FHIT: variants seen among roughly 807,000 people sequenced by gnomAD.
FHIT encodes fragile histidine triad diadenosine triphosphatase, also known as bis(5'-adenosyl)-triphosphatase.
Under a neutral mutation model 17.9 loss-of-function variants are expected in FHIT, and 19 were observed. The observed-to-expected ratio is 1.06, with a 90% confidence interval of 0.74 to 1.56. FHIT has a LOEUF of 1.56. Ranked by LOEUF, FHIT falls within the 40% of genes most tolerant of loss-of-function variation. The probability of loss-of-function intolerance (pLI) is 0.00; values close to 1 mark genes in which losing one functional copy is unlikely to be tolerated. For missense variants in FHIT, 248 were observed against 189.2 expected (o/e 1.31, Z -1.82); for synonymous variants, 81 against 69.7 (o/e 1.16, Z -0.81).
intron 7 of FHIT, among the ~76,000 whole-genome samples, chr3:59,960,458 C>T (rs1255272084): frequency 6.6e-6 from 1 of 152,094 alleles, no homozygotes; most frequent in Non-Finnish European, 1.5e-5. Context: ...CACAAGGTGG[C>T]CTTGTTGACT....
intron 5 of FHIT, among the ~76,000 whole-genome samples, chr3:60,441,770 TTATATGTATAAAAATATATATATA>T (rs1559916181): frequency 1.2e-4 from 5 of 42,556 alleles, no homozygotes; most frequent in African/African-American, 2.2e-4. Flanking sequence ...ATATATATAT[TTATATGTATAAAAATATATATATA>T]TATATATATA....
At chr3:60,893,917 A>G (rs1705650973) in intron 3 of FHIT, among the ~76,000 whole-genome samples, 1 of 152,192 alleles carries the variant, frequency 6.6e-6, no homozygotes, top group Admixed American at 6.5e-5. Context: ...GAAATCCCAG[A>G]AGGGTGGTAT....
chr3:61,247,611 G>A (rs748366741), intron 1 of FHIT, among the ~76,000 whole-genome samples: 2 of 152,190 alleles, frequency 1.3e-5, no homozygotes, highest in African/African-American at 2.4e-5. Context: ...GACAAGACAG[G>A]TTATCAAGAG....
chr3:60,022,629 C>A (rs1361044091), intron 5 of FHIT, among the ~76,000 whole-genome samples: 1 of 152,178 alleles, frequency 6.6e-6, no homozygotes, highest in Non-Finnish European at 1.5e-5. Context: ...ATAGGTTTTA[C>A]CTCTTTTGCT....
chr3:60,062,442 T>G (rs1008320693), intron 5 of FHIT, among the ~76,000 whole-genome samples: 1 of 152,182 alleles, frequency 6.6e-6, no homozygotes, highest in African/African-American at 2.4e-5. Flanking sequence ...ATATTTTCAT[T>G]TCCAACATTT....
intron 8 of FHIT, among the ~76,000 whole-genome samples, chr3:59,882,821 T>A (rs1371147412): frequency 1.3e-5 from 2 of 152,188 alleles, no homozygotes; most frequent in African/African-American, 4.8e-5. Context: ...TGAAGAAACA[T>A]GGCATGTTCC....
At chr3:60,084,365 GCTTT>G (rs1703412547) in intron 5 of FHIT, among the ~76,000 whole-genome samples, 1 of 152,120 alleles carries the variant, frequency 6.6e-6, no homozygotes, top group Non-Finnish European at 1.5e-5. Context: ...TCCAACCTAA[GCTTT>G]ACAGAGGTGC....
intron 5 of FHIT, among the ~76,000 whole-genome samples, chr3:60,510,855 T>C (rs372926554): frequency 3.3e-4 from 50 of 152,360 alleles, no homozygotes; most frequent in Middle Eastern, 6.8e-3. Flanking sequence ...AGTGCATTTA[T>C]GCACCATATA....
chr3:60,273,452 CA>C (rs200112733), intron 5 of FHIT, among the ~76,000 whole-genome samples: 13,353 of 151,374 alleles, frequency 0.088, 639 homozygotes, highest in African/African-American at 0.12. Context: ...ACTAAAAATA[CA>C]AAAAAAATTA....
At chr3:60,344,362 G>A (rs1196957061) in intron 5 of FHIT, among the ~76,000 whole-genome samples, 2 of 152,162 alleles carry the variant, frequency 1.3e-5, no homozygotes, top group African/African-American at 4.8e-5. Flanking sequence ...ATCTAGAAGA[G>A]TGAACATTAG....
At chr3:59,771,903 C>T (rs142372419) in intron 8 of FHIT, among the ~76,000 whole-genome samples, 24 of 152,264 alleles carry the variant, frequency 1.6e-4, no homozygotes, top group African/African-American at 5.8e-4. Context: ...CACATAAATG[C>T]ATACACTTTA....
intron 5 of FHIT, among the ~76,000 whole-genome samples, chr3:60,117,789 C>T (rs1327320550): frequency 6.9e-6 from 1 of 144,424 alleles, no homozygotes; most frequent in Non-Finnish European, 1.6e-5. Context: ...ACTATAGAGG[C>T]CACCAGTGAA....
chr3:61,230,049 C>T lies in FHIT; in HGVS notation c.-213+21252G>A, dbSNP rs138578261. On this transcript the variant is annotated intron_variant, in intron 1 of 9. Coordinates refer to ENST00000492590, the MANE Select transcript of FHIT (RefSeq NM_002012.4). ...GCTACCTTAAAAAGTCCCTTCCCCTCGCTGTACCTTGTTGTCTTTAGCTAT... is the reference window on the plus strand; with the variant it reads ...GCTACCTTAAAAAGTCCCTTCCCCTTGCTGTACCTTGTTGTCTTTAGCTAT... Among the ~76,000 whole-genome samples, 188 of 152,304 alleles carry T rather than the reference C, an allele frequency of 1.2e-3. 1 individual carries two copies. The highest frequency in any genetic ancestry group is 3.3e-3 in the African/African-American group (139 of 41,560).
intron 4 of FHIT, among the ~76,000 whole-genome samples, chr3:60,619,600 C>CAAAAAAA (rs57198487): frequency 6.2e-4 from 55 of 88,680 alleles, no homozygotes; most frequent in African/African-American, 7.7e-4. Context: ...TACCCACATG[C>CAAAAAAA]AAAAAAAAAA....
At chr3:60,577,771 T>G (rs1020821633) in intron 4 of FHIT, among the ~76,000 whole-genome samples, 1 of 152,178 alleles carries the variant, frequency 6.6e-6, no homozygotes, top group East Asian at 1.9e-4. Flanking sequence ...AGATGCTCTG[T>G]CTTAAGGAAG....
Position 60,187,434 on chromosome 3 carries a change from T to C in FHIT, c.104-173282A>G, listed in dbSNP as rs534695295. 6.0e-4 allele frequency among the ~76,000 whole-genome samples: 92 copies of C among 152,304 alleles called. 1 individual carries two copies. The Middle Eastern group carries it at 0.014, about 23-fold the overall frequency. On this transcript the variant is annotated intron_variant, in intron 5 of 9. Transcript: ENST00000492590. ...GCCATGGAGGGAAACTCTTGGATTG[T>C]TCCATTGCTGGTGCCCTCGGAAGCC... is the stretch of plus-strand genomic sequence containing the variant.
intron 3 of FHIT, among the ~76,000 whole-genome samples, chr3:60,904,655 T>A (rs1553764056): frequency 6.6e-6 from 1 of 152,034 alleles, no homozygotes; most frequent in Non-Finnish European, 1.5e-5. Context: ...ATTTTAAAAT[T>A]CTTGGCCAGG....
intron 4 of FHIT, among the ~76,000 whole-genome samples, chr3:60,667,402 C>G (rs538538357): frequency 6.6e-6 from 1 of 151,970 alleles, no homozygotes; most frequent in Non-Finnish European, 1.5e-5. Context: ...TCTAACCTAT[C>G]GTTAATACTA....
chr3:60,047,132 G>A (rs1231175670), intron 5 of FHIT, among the ~76,000 whole-genome samples: 4 of 152,220 alleles, frequency 2.6e-5, no homozygotes, highest in African/African-American at 9.6e-5. Flanking sequence ...CTGCCGTAAT[G>A]TTCCACAAAA....
Sources: gnomAD v4.1 joint callset for allele counts (sites outside exome capture counted in the v4.1 genomes callset) on GRCh38, gnomAD v4.1.1 for gene constraint, MANE v1.5 for transcripts, NCBI Gene and HGNC (gene_info 2026-07-23, HGNC 2026-07-21) for gene names.